API5: variants seen among roughly 807,000 people sequenced by gnomAD.
API5 encodes FIF.
API5 carries 6 observed loss-of-function variants against 71.9 expected under a neutral mutation model. That is an observed-to-expected ratio of 0.08 (90% CI 0.05 to 0.16). The LOEUF is 0.16. Among genes scored for constraint, API5 ranks in the 10% least tolerant of loss-of-function variants. The pLI is 1.00. For missense variants in API5, 332 were observed against 612.8 expected (o/e 0.54, Z 4.84); for synonymous variants, 189 against 221.3 (o/e 0.85, Z 1.30).
intron 13 of API5, among the ~76,000 whole-genome samples, chr11:43,341,624 G>A (rs1389415884): frequency 6.6e-6 from 1 of 152,102 alleles, no homozygotes; most frequent in African/African-American, 2.4e-5. Context: ...ATTTGTGGGA[G>A]GATGCAAAAT....
At chr11:43,314,560 T>G (rs1854604824) in intron 1 of API5, among the ~76,000 whole-genome samples, 2 of 152,202 alleles carry the variant, frequency 1.3e-5, no homozygotes, top group Admixed American at 1.3e-4. Context: ...ACTCCATGCT[T>G]TATTCCGTAC....
chr11:43,321,179 A>G (rs1207251646), intron 3 of API5, among the ~76,000 whole-genome samples: 1 of 152,088 alleles, frequency 6.6e-6, no homozygotes, highest in Non-Finnish European at 1.5e-5. Flanking sequence ...TTTTCCCCCA[A>G]TTTCCTGTAG....
intron 7 of API5, among the ~76,000 whole-genome samples, chr11:43,327,347 C>T (rs1157161055): frequency 6.6e-6 from 1 of 152,250 alleles, no homozygotes; most frequent in African/African-American, 2.4e-5. Context: ...CTAAATTTAA[C>T]AGGAAATGAG....
intron 1 of API5, chr11:43,318,371 G>A: frequency 7.1e-7 from 1 of 1,409,026 alleles, no homozygotes; most frequent in South Asian, 1.2e-5. Flanking sequence ...CTAGAATGAA[G>A]AAGTATTGGC....
At chr11:43,322,171 A>G (rs747217162) in intron 5 of API5, 35 bp downstream of exon 5, 2 of 1,561,282 alleles carry the variant, frequency 1.3e-6, no homozygotes, top group South Asian at 2.4e-5. Context: ...GAAATTCTCT[A>G]AAGCAAAAGA....
At chr11:43,330,688 C>A in intron 11 of API5, 124 bp downstream of exon 11, 1 of 739,584 alleles carries the variant, frequency 1.4e-6, no homozygotes, top group Non-Finnish European at 2.3e-6. Flanking sequence ...TGGCTCAAAG[C>A]ATTGAAACAG....
intron 2 of API5, 135 bp from the exon 3 acceptor site, chr11:43,320,686 G>T (rs1854848999): frequency 2.8e-6 from 2 of 703,608 alleles, no homozygotes; most frequent in Non-Finnish European, 4.7e-6. Context: ...AGCCATGGTT[G>T]CACCACTGCA....
intron 1 of API5, among the ~76,000 whole-genome samples, chr11:43,317,124 A>G (rs188729691): frequency 1.9e-3 from 286 of 152,208 alleles, no homozygotes; most frequent in Admixed American, 2.8e-3. Context: ...CACTTAGAAC[A>G]CTCCTTATAC....
At chr11:43,315,470 G>A (rs1854637754) in intron 1 of API5, among the ~76,000 whole-genome samples, 1 of 151,908 alleles carries the variant, frequency 6.6e-6, no homozygotes, top group African/African-American at 2.4e-5. Context: ...CATAGTTGAA[G>A]AAATGTATTG....
rs1447004995 is a variant in API5, at chr11:43,318,759, T to A, written c.189T>A (p.Ala63=). ...ATTTTCCAGAATTGGCTGATTCTGC[T>A]ATCAATGCACAGTTAGACCTCTGTG... ...FKHFPELADS[A]INAQLDLCED... Residue 63 remains alanine (A), a synonymous_variant, in exon 2 of 14, where the codon GCT becomes GCA. Coordinates refer to ENST00000531273, the MANE Select transcript of API5 (RefSeq NM_001142930.2). The A allele has an allele frequency of 6.2e-7, 1 of 1,613,762 alleles. No individual in the cohort carries two copies.
At chr11:43,342,371 G>C (rs1197067294) in intron 13 of API5, 57 bp from the exon 14 acceptor site, 1 of 1,456,040 alleles carries the variant, frequency 6.9e-7, no homozygotes, top group African/African-American at 1.4e-5. Context: ...TTTCTTCTGC[G>C]TTTGCTGCAC....
Position 43,343,604 on chromosome 11 carries a change from G to T in API5, c.*1094G>T, listed in dbSNP as rs534076943. The T allele has an allele frequency of 3.9e-5, 6 of 152,450 alleles. No homozygotes were observed. Among genetic ancestry groups the T allele is most frequent in the Admixed American group, 3.9e-4 (6 of 15,264 alleles). The allele number at this position is 152,450 out of a possible 1,614,324, so 9.4% of individuals were successfully genotyped here. On this transcript the variant is annotated 3_prime_UTR_variant, in exon 14 of 14. Transcript: ENST00000531273. ...ACCAATAAGTAAGGGATGCTCTCTC[G>T]GTTTGCTTTTGCCACTTTCAAGATT...
At chr11:43,321,202 A>G (rs1170249931) in intron 3 of API5, among the ~76,000 whole-genome samples, 1 of 152,126 alleles carries the variant, frequency 6.6e-6, no homozygotes, top group Non-Finnish European at 1.5e-5. Context: ...TCATAATTGT[A>G]GCATCTTAAT....
In API5 at chr11:43,342,697, C is replaced by T; in HGVS notation, c.*187C>T. 4 of 700,838 alleles carry T rather than the reference C, an allele frequency of 5.7e-6. No homozygotes were observed. The allele number at this position is 700,838 out of a possible 1,614,324, so 43.4% of individuals were successfully genotyped here. ...CATGGTTGTGTCCAAGGTAAAACCA[C>T]AGTGATATTTTTGGATGCTTTGTCT... On this transcript the variant is annotated 3_prime_UTR_variant, in exon 14 of 14. Transcript: ENST00000531273.
Position 43,342,822 on chromosome 11 carries a change from A to G in API5, c.*312A>G. 3 of 580,152 alleles carry G rather than the reference A, an allele frequency of 5.2e-6. No individual in the cohort carries two copies. The highest frequency in any genetic ancestry group is 3.0e-6 in the Non-Finnish European group (1 of 328,292). 35.9% of individuals were successfully genotyped at this position (580,152 alleles called of 1,614,324 possible). On this transcript the variant is annotated 3_prime_UTR_variant, in exon 14 of 14. Coordinates refer to ENST00000531273, the MANE Select transcript of API5 (RefSeq NM_001142930.2). ...GTTGTTGAGAGCTGTTCATTCTAAAATGTAATGAAATTCAGTCTAGTTCTG... is the reference window on the plus strand; with the variant it reads ...GTTGTTGAGAGCTGTTCATTCTAAAGTGTAATGAAATTCAGTCTAGTTCTG...
intron 6 of API5, 64 bp downstream of exon 6, chr11:43,323,700 T>A (rs1438941047): frequency 1.3e-6 from 2 of 1,482,520 alleles, no homozygotes; most frequent in Admixed American, 3.5e-5. Context: ...ATACTCACTT[T>A]AACATTCCCC....
At chr11:43,332,875 G>C (rs1590266352) in intron 11 of API5, among the ~76,000 whole-genome samples, 1 of 152,248 alleles carries the variant, frequency 6.6e-6, no homozygotes, top group Admixed American at 6.5e-5. Flanking sequence ...TGGTTCCCCA[G>C]GCAGTCAGCT....
chr11:43,318,697 C>T lies in API5; in HGVS notation c.127C>T (p.Arg43Ter), dbSNP rs780783169. The T allele has an allele frequency of 6.2e-7, 1 of 1,613,558 alleles. No individual in the cohort carries two copies. The highest frequency in any genetic ancestry group is 8.5e-7 in the Non-Finnish European group (1 of 1,179,942). Residue 43 changes from arginine (R) to a stop codon, truncating the protein, a stop_gained, in exon 2 of 14, where the codon CGA becomes TGA. Transcript: ENST00000531273. LOFTEE classifies it high-confidence loss of function. ...TGTGAAAGGTGGTACTAAGGAAAAG[C>T]GATTAGCAGCTCAATTTATTCCGAA... Reference protein sequence around the residue: ...DGVKGGTKEKRLAAQFIPKFF... With the variant: ...DGVKGGTKEK
Position 43,324,782 on chromosome 11 carries a change from A to C in API5, c.750+1146A>C, listed in dbSNP as rs532014374. On this transcript the variant is annotated intron_variant, in intron 6 of 13. Transcript: ENST00000531273. The stretch of plus-strand genomic sequence containing the variant: ...AACCTCCACCTCCCAGATTCAAGCA[A>C]TTCTCGTGCCTCAACTTCCCGAGTA... 7.2e-5 allele frequency among the ~76,000 whole-genome samples: 11 copies of C among 152,186 alleles called. No homozygotes were observed. The East Asian group carries it at 2.1e-3, about 30-fold the overall frequency.
Sources: gnomAD v4.1 joint callset for allele counts (sites outside exome capture counted in the v4.1 genomes callset) on GRCh38, gnomAD v4.1.1 for gene constraint, MANE v1.5 for transcripts, NCBI Gene and HGNC (gene_info 2026-07-23, HGNC 2026-07-21) for gene names.